Variants in ZNF536 observed in about 807,000 individuals in gnomAD.
ZNF536 encodes the protein zinc finger protein 536.
ZNF536 carries 13 observed loss-of-function variants against 84.5 expected under a neutral mutation model. The observed-to-expected ratio is 0.15, with a 90% confidence interval of 0.10 to 0.24. ZNF536 has a LOEUF of 0.24. Among genes scored for constraint, ZNF536 ranks in the 10% least tolerant of loss-of-function variants. The probability of loss-of-function intolerance (pLI) is 1.00; values close to 1 mark genes in which losing one functional copy is unlikely to be tolerated. For synonymous variants in ZNF536, 811 were observed against 742.5 expected (o/e 1.09, Z -1.50); for missense variants, 1,536 against 1,747.5 (o/e 0.88, Z 2.16).
chr19:30,430,479 C>A (rs2051406489), intron 1 of ZNF536, among the ~76,000 whole-genome samples: 1 of 152,110 alleles, frequency 6.6e-6, no homozygotes, highest in African/African-American at 2.4e-5. Flanking sequence ...GTAGAAGACA[C>A]TGTTCGGGGT....
chr19:30,260,222 C>T (rs184434468), intron 1 of ZNF536, among the ~76,000 whole-genome samples: 6 of 152,336 alleles, frequency 3.9e-5, no homozygotes, highest in African/African-American at 1.2e-4. Context: ...GCCATCTCTC[C>T]GTACTGCAAC....
At chr19:30,245,409 A>G (rs749047402) in intron 1 of ZNF536, among the ~76,000 whole-genome samples, 2 of 152,122 alleles carry the variant, frequency 1.3e-5, no homozygotes, top group East Asian at 1.9e-4. Flanking sequence ...TGAGGTCTCT[A>G]CTCCCAGCAC....
At chr19:30,703,166 G>C (rs542135503) in intron 1 of ZNF536, among the ~76,000 whole-genome samples, 1 of 152,192 alleles carries the variant, frequency 6.6e-6, no homozygotes, top group Admixed American at 6.5e-5. Flanking sequence ...TCGAGGAGAC[G>C]ATCAGGGAGG....
chr19:30,445,257 G>A lies in ZNF536; in HGVS notation c.1695G>A (p.Glu565=), dbSNP rs2148217331. Residue 565 remains glutamate, a synonymous_variant, in exon 2 of 5, where the codon GAG becomes GAA. Coordinates refer to ENST00000355537, the MANE Select transcript of ZNF536 (RefSeq NM_014717.3). This position sits in a 1 kb window ranked among gnomAD's most constrained non-coding sequence, Gnocchi z 4.5. ...AGVLFDKEKR[E]YVLVGADGSK... is the part of the protein sequence containing the mutation. ...TTCTGTTTGATAAGGAGAAGCGGGAGTACGTGTTAGTGGGAGCAGATGGCT... is the reference window on the plus strand; with the variant it reads ...TTCTGTTTGATAAGGAGAAGCGGGAATACGTGTTAGTGGGAGCAGATGGCT... 1.9e-6 allele frequency: 3 copies of A among 1,614,206 alleles called. No homozygotes were observed. Among genetic ancestry groups the A allele is most frequent in the Non-Finnish European group, 2.5e-6 (3 of 1,180,044 alleles).
chr19:30,662,540 G>A (rs1301516793), intron 1 of ZNF536, among the ~76,000 whole-genome samples: 3 of 152,054 alleles, frequency 2.0e-5, no homozygotes, highest in Non-Finnish European at 4.4e-5. Flanking sequence ...CCGCAGATGG[G>A]GGGGGATAGT....
intron 1 of ZNF536, among the ~76,000 whole-genome samples, chr19:30,569,751 T>C (rs1357346880): frequency 6.6e-6 from 1 of 151,604 alleles, no homozygotes; most frequent in East Asian, 2.0e-4. Flanking sequence ...TTGTATTTTC[T>C]AGTAGAGACG....
At chr19:30,471,733 A>G (rs892988230) in intron 2 of ZNF536, among the ~76,000 whole-genome samples, 1 of 152,250 alleles carries the variant, frequency 6.6e-6, no homozygotes, top group African/African-American at 2.4e-5. Flanking sequence ...CCTGCCTGGT[A>G]ACATGAAAAA....
intron 1 of ZNF536, among the ~76,000 whole-genome samples, chr19:30,249,733 G>A (rs1460055978): frequency 1.3e-5 from 2 of 152,128 alleles, no homozygotes; most frequent in South Asian, 2.1e-4. Context: ...CTGCCTCATC[G>A]AACCTCTCTT....
intron 2 of ZNF536, among the ~76,000 whole-genome samples, chr19:30,295,510 G>T (rs1297610587): frequency 6.6e-6 from 1 of 152,204 alleles, no homozygotes; most frequent in African/African-American, 2.4e-5. Context: ...CCAAGAATTT[G>T]AATTTCTAAC....
At chr19:30,391,545 C>T (rs1405880548) in intron 1 of ZNF536, among the ~76,000 whole-genome samples, 1 of 152,182 alleles carries the variant, frequency 6.6e-6, no homozygotes, top group African/African-American at 2.4e-5. Flanking sequence ...CATTGCACTC[C>T]AGCCTGGGCA....
chr19:30,278,147 AG>A (rs1300273216), intron 1 of ZNF536, among the ~76,000 whole-genome samples: 2 of 152,230 alleles, frequency 1.3e-5, no homozygotes, highest in Non-Finnish European at 2.9e-5. Context: ...AGTTCCCAAG[AG>A]GAAGACATGC....
intron 2 of ZNF536, among the ~76,000 whole-genome samples, chr19:30,302,078 GTT>G (rs2046204065): frequency 1.1e-5 from 1 of 92,830 alleles, no homozygotes; most frequent in African/African-American, 5.7e-5. Context: ...TATAATCACT[GTT>G]TGTATATAAT....
intron 3 of ZNF536, among the ~76,000 whole-genome samples, chr19:30,360,172 A>G (rs1426738510): frequency 6.6e-6 from 1 of 152,222 alleles, no homozygotes; most frequent in African/African-American, 2.4e-5. Flanking sequence ...AGTACCACGC[A>G]GCGAGCTTGG....
intron 1 of ZNF536, among the ~76,000 whole-genome samples, chr19:30,658,360 G>A (rs1215601852): frequency 6.6e-6 from 1 of 152,146 alleles, no homozygotes; most frequent in African/African-American, 2.4e-5. Context: ...GCTCCCCTCA[G>A]CCACAATGCC....
At chr19:30,679,851 G>C (rs960854782) in intron 1 of ZNF536, among the ~76,000 whole-genome samples, 47 of 151,862 alleles carry the variant, frequency 3.1e-4, no homozygotes, top group African/African-American at 1.1e-3. Context: ...TGCGGGGAGA[G>C]GGGGGTCAGC....
chr19:30,383,693 T>TTTCTTTCTTTC (rs370116292), intron 1 of ZNF536, among the ~76,000 whole-genome samples: 138 of 11,770 alleles, frequency 0.012, 9 homozygotes, highest in East Asian at 0.11. Context: ...CCTTCCTTTC[T>TTTCTTTCTTTC]TTTCTTTCTC....
chr19:30,479,554 A>G (rs535048074), intron 2 of ZNF536, among the ~76,000 whole-genome samples: 7 of 152,250 alleles, frequency 4.6e-5, no homozygotes, highest in African/African-American at 1.7e-4. Flanking sequence ...TGCATCACTC[A>G]TTTTCCCCTT....
At chr19:30,478,110 T>C (rs2144774138) in intron 2 of ZNF536, among the ~76,000 whole-genome samples, 1 of 151,128 alleles carries the variant, frequency 6.6e-6, no homozygotes, top group South Asian at 2.1e-4. Flanking sequence ...GTCAGGCTGC[T>C]GATGGCTCAC....
At chr19:30,583,196 G>T (rs10416537) in intron 1 of ZNF536, among the ~76,000 whole-genome samples, 10,673 of 152,194 alleles carry the variant, frequency 0.07, 1,079 homozygotes, top group African/African-American at 0.22. Flanking sequence ...GAGACCTGTT[G>T]GAAGGAGTTC....
Sources: allele counts gnomAD v4.1 joint callset (sites outside exome capture counted in the v4.1 genomes callset), GRCh38; gene constraint gnomAD v4.1.1; non-coding constraint Gnocchi (gnomAD v3.1); transcripts MANE v1.5; gene names NCBI Gene and HGNC (gene_info 2026-07-23, HGNC 2026-07-21).